RBM26: variants seen among roughly 807,000 people sequenced by gnomAD.
RBM26 encodes RNA binding motif protein 26, also known as RNA-binding protein 26.
RBM26 carries 30 observed loss-of-function variants against 123.6 expected under a neutral mutation model. That is an observed-to-expected ratio of 0.24 (90% CI 0.18 to 0.33). RBM26 has a LOEUF of 0.33. RBM26 is among the 10% of genes least tolerant of loss of function. The pLI is 1.00. For synonymous variants in RBM26, 400 were observed against 404.4 expected (o/e 0.99, Z 0.13); for missense variants, 947 against 1,203.6 (o/e 0.79, Z 3.15).
At chr13:79,358,180 G>T in intron 11 of RBM26, 94 bp downstream of exon 11, 4 of 1,125,952 alleles carry the variant, frequency 3.6e-6, no homozygotes, top group Non-Finnish European at 3.6e-6. Context: ...ACCATGCCCA[G>T]CCTTAAAATA....
In RBM26 at chr13:79,356,391, A is replaced by G. The variant is rs866003814; in HGVS notation, c.1690-1007T>C. Among the ~76,000 whole-genome samples, 315 of 150,128 alleles carry G rather than the reference A, an allele frequency of 2.1e-3. 3 individuals are homozygous for G. The highest frequency in any genetic ancestry group is 7.3e-3 in the African/African-American group (298 of 40,786). On this transcript the variant is annotated intron_variant, in intron 11 of 21. Transcript: ENST00000438737. ...TCTCAAAAAAAAAAAAAAACAAACA[A>G]AAAAAAACAAAAAAGTAGTTGGAAT...
intron 11 of RBM26, among the ~76,000 whole-genome samples, 188 bp downstream of exon 11, chr13:79,358,085 GT>G (rs2074248247): frequency 6.6e-6 from 1 of 152,090 alleles, no homozygotes; most frequent in Non-Finnish European, 1.5e-5. Flanking sequence ...GTTTCACCAG[GT>G]TGGCCAGGCT....
chr13:79,342,542 G>T, intron 17 of RBM26, 122 bp downstream of exon 17: 1 of 695,662 alleles, frequency 1.4e-6, no homozygotes, highest in Non-Finnish European at 2.4e-6. Context: ...GGGGGAGAAT[G>T]GTACATACAA....
At chr13:79,344,500 TTTCA>T (rs1199430948) in intron 15 of RBM26, among the ~76,000 whole-genome samples, 165 bp downstream of exon 15, 2 of 152,102 alleles carry the variant, frequency 1.3e-5, no homozygotes, top group Non-Finnish European at 2.9e-5. Context: ...GGAACCTTTC[TTTCA>T]AAGAAAAAAT....
At chr13:79,351,816 TTAAC>T (rs923319546) in intron 14 of RBM26, among the ~76,000 whole-genome samples, 3 of 152,068 alleles carry the variant, frequency 2.0e-5, no homozygotes, top group Non-Finnish European at 4.4e-5. Flanking sequence ...CTATAATGAA[TTAAC>T]GCCAAAATAA....
At chr13:79,322,490 A>G in intron 20 of RBM26, 28 bp from the exon 21 acceptor site, 1 of 1,440,346 alleles carries the variant, frequency 6.9e-7, no homozygotes, top group South Asian at 1.4e-5. Context: ...ATTGGAATAT[A>G]AGACATTAAA....
intron 1 of RBM26, among the ~76,000 whole-genome samples, chr13:79,388,059 C>T (rs1225906791): frequency 2.0e-5 from 3 of 152,218 alleles, no homozygotes; most frequent in Non-Finnish European, 4.4e-5. Flanking sequence ...TCACAACTCA[C>T]TCTTAAACTA....
At chr13:79,352,599 G>A (rs1268940817) in intron 14 of RBM26, among the ~76,000 whole-genome samples, 2 of 151,744 alleles carry the variant, frequency 1.3e-5, no homozygotes, top group East Asian at 1.9e-4. Flanking sequence ...CTCTATTACT[G>A]TTTAGTAATA....
At chr13:79,331,368 C>T in intron 20 of RBM26, among the ~76,000 whole-genome samples, 1 of 151,882 alleles carries the variant, frequency 6.6e-6, no homozygotes, top group African/African-American at 2.4e-5. Context: ...TGCCTGTAAC[C>T]CCAGCACTTT....
At chr13:79,317,887 T>C (rs1232781263), downstream of RBM26, among the ~76,000 whole-genome samples, 2 of 151,696 alleles carry the variant, frequency 1.3e-5, no homozygotes, top group Admixed American at 1.3e-4. Context: ...GATATTTAAA[T>C]ATGCATTCAT....
chr13:79,363,727 A>G (rs1309072608), intron 9 of RBM26, among the ~76,000 whole-genome samples: 1 of 151,938 alleles, frequency 6.6e-6, no homozygotes, highest in East Asian at 1.9e-4. Flanking sequence ...TAAGATTTAA[A>G]TGCAAGGGGT....
chr13:79,405,687 A>G lies in RBM26; in HGVS notation c.71+17T>C. On this transcript the variant is annotated intron_variant, in intron 1 of 21. Coordinates refer to ENST00000438737, the MANE Select transcript of RBM26 (RefSeq NM_001366735.2). ...CCCACTGCCATCCCTGCAAAGAGAT[A>G]TCCCCCGGATACTCACATGGGCTCG... The G allele has an allele frequency of 6.4e-7, 1 of 1,567,554 alleles. No homozygotes were observed.
chr13:79,353,881 T>C (rs2073623425), intron 13 of RBM26, among the ~76,000 whole-genome samples: 1 of 152,004 alleles, frequency 6.6e-6, no homozygotes, highest in African/African-American at 2.4e-5. Context: ...CACTCAAGTG[T>C]TGAAGGAAGT....
chr13:79,343,423 T>C (rs944992077), intron 16 of RBM26, among the ~76,000 whole-genome samples: 6 of 151,944 alleles, frequency 3.9e-5, no homozygotes, highest in African/African-American at 1.4e-4. Context: ...GCTTCAGTTT[T>C]TGGTTTTGTA....
chr13:79,355,513 G>T, intron 11 of RBM26, 129 bp from the exon 12 acceptor site: 2 of 659,886 alleles, frequency 3.0e-6, no homozygotes, highest in Non-Finnish European at 5.1e-6. Context: ...TTGGTATCTG[G>T]ATTAGTAGAC....
Position 79,342,837 on chromosome 13 carries a change from A to G in RBM26, c.2260-6T>C. 2 of 1,556,470 alleles carry G rather than the reference A, an allele frequency of 1.3e-6. No individual in the cohort carries two copies. The highest frequency in any genetic ancestry group is 1.2e-5 in the South Asian group (1 of 85,696). ...TCCAGTTTTGAAATTAACATCTGCC[A>G]AATTTTTAAAAAGAGAAAAATAAAG... is the stretch of plus-strand genomic sequence containing the variant. On this transcript the variant is annotated splice_region_variant and splice_polypyrimidine_tract_variant and intron_variant, in intron 16 of 21. Transcript: ENST00000438737.
chr13:79,392,063 T>C (rs1203907598), intron 1 of RBM26, among the ~76,000 whole-genome samples: 1 of 140,612 alleles, frequency 7.1e-6, no homozygotes, highest in Non-Finnish European at 1.5e-5. Flanking sequence ...TATATAATTA[T>C]GTATTATACA....
rs1237550844 is a variant in RBM26 at position 79,379,815 on chromosome 13, A to G, written c.72-908T>C. Among the ~76,000 whole-genome samples, 3 of 152,174 alleles carry G rather than the reference A, an allele frequency of 2.0e-5. No individual in the cohort carries two copies. In the East Asian group the frequency reaches 5.8e-4, roughly 29 times the overall value. On this transcript the variant is annotated intron_variant, in intron 1 of 21. Coordinates refer to ENST00000438737, the MANE Select transcript of RBM26 (RefSeq NM_001366735.2). ...GTGTTTTTACCGAGACTAACATTAT[A>G]AGAGAAAAAAAGACAAAGGATATGA...
chr13:79,375,081 T>TATATAAATATATATTTATAAATC (rs2076537459), intron 3 of RBM26, among the ~76,000 whole-genome samples: 1 of 104,368 alleles, frequency 9.6e-6, no homozygotes, highest in African/African-American at 3.1e-5. Flanking sequence ...TTATATGATA[T>TATATAAATATATATTTATAAATC]ATATAAATAT....
Sources: gnomAD v4.1 joint callset for allele counts (sites outside exome capture counted in the v4.1 genomes callset) on GRCh38, gnomAD v4.1.1 for gene constraint, MANE v1.5 for transcripts, NCBI Gene and HGNC (gene_info 2026-07-23, HGNC 2026-07-21) for gene names.